The following CDRT4 variants were observed in gnomAD, a reference collection of about 807,000 sequenced individuals.
CDRT4 encodes the protein CMT1A duplicated region transcript 4 protein.
For synonymous variants in CDRT4, 64 were observed against 69.6 expected, an observed-to-expected ratio of 0.92 and a Z score of 0.40; for missense variants, 167 against 193.1, an observed-to-expected ratio of 0.87 and a Z score of 0.80.
At chr17:15,459,001 C>T (rs184167022) in intron 1 of CDRT4, among the ~76,000 whole-genome samples, 1 of 152,192 alleles carries the variant, frequency 6.6e-6, no homozygotes, top group Non-Finnish European at 1.5e-5. Flanking sequence ...CTGTCACTGC[C>T]TCACTTGGTA....
chr17:15,445,419 G>C (rs1027935362), intron 2 of CDRT4, among the ~76,000 whole-genome samples: 1 of 152,192 alleles, frequency 6.6e-6, no homozygotes, highest in African/African-American at 2.4e-5. Context: ...AGGATTTTCA[G>C]AGTCTGATAT....
chr17:15,463,272 C>T (rs898486823), intron 1 of CDRT4, among the ~76,000 whole-genome samples: 17 of 151,924 alleles, frequency 1.1e-4, no homozygotes, highest in African/African-American at 2.7e-4. Context: ...GGGTGGAGAA[C>T]GCAAAGCCTG....
chr17:15,459,459 T>G (rs1308587962), intron 1 of CDRT4, among the ~76,000 whole-genome samples: 4 of 144,646 alleles, frequency 2.8e-5, no homozygotes, highest in Non-Finnish European at 6.0e-5. Context: ...TTTTTTTTTT[T>G]TGTGAGACAG....
At chr17:15,439,654 G>A (rs556924890) in intron 3 of CDRT4, among the ~76,000 whole-genome samples, 4 of 152,206 alleles carry the variant, frequency 2.6e-5, no homozygotes, top group South Asian at 2.1e-4. Flanking sequence ...GTGGCTGCCC[G>A]CACTATTCAC....
chr17:15,452,904 T>C (rs1297386415), intron 2 of CDRT4, 100 bp downstream of exon 2: 1 of 152,232 alleles, frequency 6.6e-6, no homozygotes. Context: ...CCTTAAATTG[T>C]GTTTTTAAGG....
intron 2 of CDRT4, among the ~76,000 whole-genome samples, chr17:15,441,383 G>T (rs1187969457): frequency 3.9e-5 from 6 of 152,204 alleles, no homozygotes. Flanking sequence ...TTGAGGACCT[G>T]AGAATCTGCA....
chr17:15,450,652 C>T lies in CDRT4; in HGVS notation c.-48+2352G>A, dbSNP rs1238889057. On this transcript the variant is annotated intron_variant, in intron 2 of 3. Coordinates refer to ENST00000619038, the MANE Select transcript of CDRT4 (RefSeq NM_001204477.2). The surrounding 1 kb of genome is among the most constrained non-coding windows in gnomAD (Gnocchi z 4.2). ...GGCTCTACATCTCATCAATTTGCCA[C>T]ATCTAACTAGACTGACTTCTTTCCC... Among the ~76,000 whole-genome samples, 4 of 152,024 alleles carry T rather than the reference C, an allele frequency of 2.6e-5. No homozygotes were observed. The highest frequency in any genetic ancestry group is 1.3e-4 in the Admixed American group (2 of 15,268).
At chr17:15,457,853 G>C (rs561735146) in intron 1 of CDRT4, among the ~76,000 whole-genome samples, 1 of 152,186 alleles carries the variant, frequency 6.6e-6, no homozygotes, top group Non-Finnish European at 1.5e-5. Flanking sequence ...TCCTCTCCCA[G>C]GGAAACATGG....
intron 2 of CDRT4, chr17:15,452,605 C>T (rs989549300): frequency 1.3e-5 from 2 of 152,266 alleles, no homozygotes; most frequent in African/African-American, 4.8e-5. Context: ...CGGATGTTAG[C>T]TGCTCTTTCA....
At chr17:15,439,225 G>A (rs921010949) in intron 3 of CDRT4, 1 of 452,032 alleles carries the variant, frequency 2.2e-6, no homozygotes, top group Non-Finnish European at 4.4e-6. Flanking sequence ...AGTTTTGCAG[G>A]GAGGAGAGTT....
At chr17:15,443,282 C>CTTTT (rs34600279) in intron 2 of CDRT4, among the ~76,000 whole-genome samples, 42 of 141,178 alleles carry the variant, frequency 3.0e-4, no homozygotes, top group African/African-American at 1.1e-3. Context: ...TTTTTTCTTT[C>CTTTT]TTTTTTTTTT....
chr17:15,463,925 G>A (rs1006324476), intron 1 of CDRT4, among the ~76,000 whole-genome samples: 9 of 152,160 alleles, frequency 5.9e-5, no homozygotes, highest in African/African-American at 2.2e-4. Context: ...CTAACAAGCT[G>A]GGTGAAATCA....
chr17:15,465,457 A>AC (rs1284548189), intron 1 of CDRT4, among the ~76,000 whole-genome samples: 1 of 151,752 alleles, frequency 6.6e-6, no homozygotes, highest in Non-Finnish European at 1.5e-5. Context: ...CAACACACAG[A>AC]CACACATAAC....
intron 3 of CDRT4, among the ~76,000 whole-genome samples, 185 bp from the exon 4 acceptor site, chr17:15,438,385 A>G (rs757391720): frequency 1.4e-4 from 22 of 151,910 alleles, no homozygotes; most frequent in Non-Finnish European, 3.1e-4. Flanking sequence ...AAGTCTATCA[A>G]TTAAACAACG....
rs117401825 is a variant in CDRT4, at chr17:15,460,091, G to A, written c.-129-7006C>T. On this transcript the variant is annotated intron_variant, in intron 1 of 3. Coordinates refer to ENST00000619038, the MANE Select transcript of CDRT4 (RefSeq NM_001204477.2). The stretch of plus-strand genomic sequence containing the variant: ...CCATGGGCTCTTCCCTGAACTGCAC[G>A]CTCTTATATCCAATCCCTGCCAGAC... Among the ~76,000 whole-genome samples the A allele has an allele frequency of 4.0e-3, 616 of 152,104 alleles. 3 individuals carry two copies. Among genetic ancestry groups the A allele is most frequent in the Middle Eastern group, 0.017 (5 of 294 alleles).
At chr17:15,465,229 GAC>G (rs1979963524) in intron 1 of CDRT4, among the ~76,000 whole-genome samples, 1 of 104,292 alleles carries the variant, frequency 9.6e-6, no homozygotes, top group African/African-American at 4.6e-5. Flanking sequence ...CCAACACACA[GAC>G]ACACACAACA....
At position 15,437,458 on chromosome 17, in the gene CDRT4, T is replaced by G; in HGVS notation, c.*315A>C. ...TTTATATTATCTCTAATAAAAGAGC[T>G]TGTGTGATTTCTGTCTCCTGCCTGG... On this transcript the variant is annotated 3_prime_UTR_variant, in exon 4 of 4. Coordinates refer to ENST00000619038, the MANE Select transcript of CDRT4 (RefSeq NM_001204477.2). 1 of 418,612 alleles carries G rather than the reference T, an allele frequency of 2.4e-6. No homozygotes were observed. The highest frequency in any genetic ancestry group is 4.4e-5 in the East Asian group (1 of 22,604). 25.9% of individuals were successfully genotyped at this position (418,612 alleles called of 1,614,324 possible). A position where few individuals can be genotyped will look rare whatever the true frequency, so the allele number is the denominator to read the frequency against.
chr17:15,441,940 G>A (rs1978782284), intron 2 of CDRT4, among the ~76,000 whole-genome samples: 1 of 151,744 alleles, frequency 6.6e-6, no homozygotes, highest in Non-Finnish European at 1.5e-5. Flanking sequence ...TTTTTTAATT[G>A]TAAGGTAAAG....
intron 2 of CDRT4, among the ~76,000 whole-genome samples, chr17:15,441,577 C>T (rs902859193): frequency 6.6e-6 from 1 of 152,090 alleles, no homozygotes; most frequent in Admixed American, 6.6e-5. Context: ...TTTCATCCCC[C>T]TTTTTCCCTA....
Sources: allele counts gnomAD v4.1 joint callset (sites outside exome capture counted in the v4.1 genomes callset), GRCh38; gene constraint gnomAD v4.1.1; non-coding constraint Gnocchi (gnomAD v3.1); transcripts MANE v1.5; gene names NCBI Gene and HGNC (gene_info 2026-07-23, HGNC 2026-07-21).